Variants in CACNB4 observed in about 807,000 individuals in gnomAD.
The protein encoded by CACNB4 is voltage-dependent L-type calcium channel subunit beta-4.
CACNB4 carries 32 observed loss-of-function variants against 71.2 expected under a neutral mutation model. The observed-to-expected ratio is 0.45, with a 90% confidence interval of 0.34 to 0.60. The LOEUF (loss-of-function observed/expected upper bound fraction) is 0.60, where lower values mean the gene tolerates loss of function less well. Ranked by LOEUF, CACNB4 falls within the 20% of genes least tolerant of loss-of-function variation. The pLI, the probability that CACNB4 is intolerant of heterozygous loss-of-function variation, is 0.01. For synonymous variants in CACNB4, 231 were observed against 236.9 expected, an observed-to-expected ratio of 0.97 and a Z score of 0.23; for missense variants, 464 against 647.9, an observed-to-expected ratio of 0.72 and a Z score of 3.08.
chr2:152,073,791 T>C (rs1490484463), intron 2 of CACNB4, among the ~76,000 whole-genome samples: 3 of 152,202 alleles, frequency 2.0e-5, no homozygotes, highest in Non-Finnish European at 4.4e-5. Flanking sequence ...CTTGGAGCAT[T>C]CCCTTCAATA....
At chr2:152,054,501 CT>C (rs1278567656) in intron 2 of CACNB4, among the ~76,000 whole-genome samples, 2 of 151,588 alleles carry the variant, frequency 1.3e-5, no homozygotes, top group Non-Finnish European at 2.9e-5. Flanking sequence ...GGGTTGTTTC[CT>C]TTTTTGTCTA....
intron 2 of CACNB4, among the ~76,000 whole-genome samples, chr2:151,982,602 C>T (rs2151751235): frequency 6.9e-6 from 1 of 144,332 alleles, no homozygotes; most frequent in South Asian, 2.2e-4. Flanking sequence ...CACTGCACTC[C>T]AGCCTGGACG....
At chr2:151,885,402 C>G (rs1349415275) in intron 2 of CACNB4, among the ~76,000 whole-genome samples, 1 of 152,208 alleles carries the variant, frequency 6.6e-6, no homozygotes, top group Non-Finnish European at 1.5e-5. Context: ...GAGACTCAAA[C>G]TCAGGTAGTT....
chr2:151,990,643 T>G (rs1375922933), intron 2 of CACNB4, among the ~76,000 whole-genome samples: 3 of 152,196 alleles, frequency 2.0e-5, no homozygotes, highest in Non-Finnish European at 2.9e-5. Context: ...CTGGGATTAA[T>G]CTCATGATCA....
intron 2 of CACNB4, among the ~76,000 whole-genome samples, chr2:151,947,906 G>A (rs1230398576): frequency 2.0e-5 from 3 of 152,194 alleles, no homozygotes; most frequent in African/African-American, 7.2e-5. Context: ...CCAGAGTGCA[G>A]AAATGGCATA....
intron 12 of CACNB4, among the ~76,000 whole-genome samples, chr2:151,848,804 A>G (rs1233511065): frequency 6.6e-6 from 1 of 152,230 alleles, no homozygotes; most frequent in African/African-American, 2.4e-5. Context: ...CATTTCATTT[A>G]TATGTTCAAT....
rs1456288653 is a variant in CACNB4 at position 151,870,288 on chromosome 2, T to C, written c.699+243A>G. The C allele has an allele frequency of 8.5e-6, 6 of 703,004 alleles. No homozygotes were observed. The Admixed American group carries it at 1.2e-4, about 14-fold the overall frequency. The allele number at this position is 703,004 out of a possible 1,614,324, so 43.5% of individuals were successfully genotyped here. ...GCAAATCTTTGACCAGATCTTCCCA[T>C]TGTGAATATTTTGAGGGAGGTATTT... On this transcript the variant is annotated intron_variant, in intron 8 of 13. Coordinates refer to ENST00000539935, the MANE Select transcript of CACNB4 (RefSeq NM_000726.5).
chr2:152,065,152 G>A (rs1686238458), intron 2 of CACNB4, among the ~76,000 whole-genome samples: 1 of 152,176 alleles, frequency 6.6e-6, no homozygotes, highest in African/African-American at 2.4e-5. Context: ...GGAGACCGAG[G>A]TGGGCAGATC....
chr2:152,037,298 C>T (rs1684645935), intron 2 of CACNB4, among the ~76,000 whole-genome samples: 1 of 152,224 alleles, frequency 6.6e-6, no homozygotes, highest in African/African-American at 2.4e-5. Flanking sequence ...TAACAAGACT[C>T]TCCTTTGAAT....
intron 2 of CACNB4, among the ~76,000 whole-genome samples, chr2:151,964,506 A>T (rs1266579851): frequency 2.0e-5 from 3 of 152,162 alleles, no homozygotes; most frequent in African/African-American, 7.2e-5. Context: ...TTTTTCCCCC[A>T]AATATTCCCA....
At chr2:151,999,020 CTG>C (rs1682239174) in intron 2 of CACNB4, among the ~76,000 whole-genome samples, 1 of 152,194 alleles carries the variant, frequency 6.6e-6, no homozygotes, top group African/African-American at 2.4e-5. Context: ...GGGGCTGAGC[CTG>C]AATTTTATTT....
At chr2:151,973,474 G>T in intron 2 of CACNB4, 1 of 587,852 alleles carries the variant, frequency 1.7e-6, no homozygotes, top group Non-Finnish European at 3.0e-6. Context: ...TTTTTTGCTT[G>T]ACAATAAATA....
intron 2 of CACNB4, among the ~76,000 whole-genome samples, chr2:152,001,893 G>A (rs1047124467): frequency 3.9e-5 from 6 of 152,172 alleles, no homozygotes; most frequent in Admixed American, 2.6e-4. Flanking sequence ...TCAGGAGGAT[G>A]CCAATGCAAA....
intron 2 of CACNB4, among the ~76,000 whole-genome samples, chr2:151,898,892 AG>A (rs760608007): frequency 5.9e-5 from 9 of 152,246 alleles, no homozygotes; most frequent in Admixed American, 1.3e-4. Context: ...GTCCAGATGA[AG>A]GCAAGGGCCT....
chr2:151,859,000 C>T (rs1287694122), intron 10 of CACNB4: 1 of 152,110 alleles, frequency 6.6e-6, no homozygotes, highest in African/African-American at 2.4e-5. Flanking sequence ...TGGGTTATGT[C>T]TTTATTTCCT....
chr2:152,092,923 CTAA>C (rs1414536732), intron 2 of CACNB4, among the ~76,000 whole-genome samples: 1 of 151,804 alleles, frequency 6.6e-6, no homozygotes, highest in African/African-American at 2.4e-5. Context: ...TTAATAACAA[CTAA>C]TAATAAAACA....
chr2:151,915,847 CAAAAAAAAAAAAA>C lies in CACNB4; in HGVS notation c.148-32490_148-32478del, dbSNP rs143625402. On this transcript the variant is annotated intron_variant, in intron 2 of 13. Transcript: ENST00000539935. ...GGGCAACAAGAGCGAAGCTCCATCTCAAAAAAAAAAAAAAAAAAAAAAGAATGTGCACATTCTG... is the reference window on the plus strand; with the variant it reads ...GGGCAACAAGAGCGAAGCTCCATCTCAAAAAAAAAGAATGTGCACATTCTG... Among the ~76,000 whole-genome samples the C allele has an allele frequency of 1.7e-3, 141 of 82,008 alleles. 3 individuals carry two copies. Among genetic ancestry groups the C allele is most frequent in the Non-Finnish European group, 9.9e-4 (39 of 39,490 alleles). The allele number at this position is 82,008 out of a possible 152,430, so 53.8% of individuals were successfully genotyped here. A position where few individuals can be genotyped will look rare whatever the true frequency, so the allele number is the denominator to read the frequency against.
chr2:151,915,685 A>C (rs1023517725), intron 2 of CACNB4, among the ~76,000 whole-genome samples: 2 of 152,124 alleles, frequency 1.3e-5, no homozygotes, highest in Admixed American at 6.5e-5. Flanking sequence ...TCTACTAAAA[A>C]ATACAAAAAA....
chr2:151,933,921 T>C (rs2099862279), intron 2 of CACNB4, among the ~76,000 whole-genome samples: 1 of 152,250 alleles, frequency 6.6e-6, no homozygotes, highest in Non-Finnish European at 1.5e-5. Context: ...CTGTGGAATA[T>C]GAAATCTGCA....
Sources: gnomAD v4.1 joint callset for allele counts (sites outside exome capture counted in the v4.1 genomes callset) on GRCh38, gnomAD v4.1.1 for gene constraint, MANE v1.5 for transcripts, NCBI Gene and HGNC (gene_info 2026-07-23, HGNC 2026-07-21) for gene names.